OTOF: variants seen among roughly 807,000 people sequenced by gnomAD.
OTOF encodes the protein fer-1-like family member 2.
A neutral mutation model predicts 236.8 loss-of-function variants in OTOF; 218 were observed. The ratio of observed to expected loss-of-function variants is 0.92; its 90% CI spans 0.82 to 1.03. The LOEUF (loss-of-function observed/expected upper bound fraction) is 1.03. Among genes scored for constraint, OTOF ranks in the 50% least tolerant of loss-of-function variants. The pLI is 0.00. For synonymous variants in OTOF, 1,041 were observed against 1,072.5 expected, an observed-to-expected ratio of 0.97 and a Z score of 0.57; for missense variants, 2,590 against 2,694.4, an observed-to-expected ratio of 0.96 and a Z score of 0.86.
rs192745157 is a variant in OTOF, at chr2:26,510,755, T to C, written c.509+5663A>G. On this transcript the variant is annotated intron_variant, in intron 5 of 46. Coordinates refer to ENST00000272371, the MANE Select transcript of OTOF (RefSeq NM_194248.3). ...TGGTCTTCTCTCTGCCTTTGCTGAG[T>C]AGGGGGAAGAAATGAGGAGACAAGG... 79 of 1,288,488 alleles carry C rather than the reference T, an allele frequency of 6.1e-5. 1 individual carries two copies. In the African/African-American group the frequency reaches 1.1e-3, roughly 18 times the overall value. 79.8% of individuals were successfully genotyped at this position (1,288,488 alleles called of 1,614,324 possible). A position where few individuals can be genotyped will look rare whatever the true frequency, so the allele number is the denominator to read the frequency against.
intron 39 of OTOF, 113 bp from the exon 40 acceptor site, chr2:26,464,219 C>T: frequency 7.6e-7 from 1 of 1,317,528 alleles, no homozygotes; most frequent in Non-Finnish European, 1.1e-6. Context: ...CCTGTCTACC[C>T]CACCTCCTTT....
intron 1 of OTOF, among the ~76,000 whole-genome samples, chr2:26,551,165 T>TTTTTAGTA (rs1336418383): frequency 6.6e-6 from 1 of 152,074 alleles, no homozygotes; most frequent in East Asian, 1.9e-4. Context: ...AATTTTTGTG[T>TTTTTAGTA]TTTTAGTAGA....
intron 15 of OTOF, 119 bp downstream of exon 15, chr2:26,480,667 G>A (rs1665512595): frequency 1.2e-6 from 1 of 823,332 alleles, no homozygotes; most frequent in Admixed American, 1.9e-5. Flanking sequence ...GCCTTATCCT[G>A]AGGTATGACT....
rs555195764 is a variant in OTOF at position 26,531,573 on chromosome 2, G to A, written c.139-3653C>T. The stretch of plus-strand genomic sequence containing the variant: ...TCATGCCACCTCCCTCCCCTTCGCC[G>A]CCATCACTTTCCTCTTCTGCCTCGG... On this transcript the variant is annotated intron_variant, in intron 2 of 46. Coordinates refer to ENST00000272371, the MANE Select transcript of OTOF (RefSeq NM_194248.3). Among the ~76,000 whole-genome samples, 10 of 152,232 alleles carry A rather than the reference G, an allele frequency of 6.6e-5. No individual in the cohort carries two copies. The South Asian group carries it at 1.7e-3, about 25-fold the overall frequency.
Position 26,461,567 on chromosome 2 carries a change from T to A in OTOF, c.5533+129A>T. On this transcript the variant is annotated intron_variant, in intron 43 of 46. Coordinates refer to ENST00000272371, the MANE Select transcript of OTOF (RefSeq NM_194248.3). The surrounding 1 kb of genome is among the most constrained non-coding windows in gnomAD (Gnocchi z 6.2). The stretch of plus-strand genomic sequence containing the variant: ...GGGGCGGAACCCCGTCGGACACCCC[T>A]GGCTCTGATGGACTGGAAGCAATGA... 1 of 1,288,854 alleles carries A rather than the reference T, an allele frequency of 7.8e-7. No individual in the cohort carries two copies. Among genetic ancestry groups the A allele is most frequent in the South Asian group, 1.3e-5 (1 of 78,366 alleles). The allele number at this position is 1,288,854 out of a possible 1,614,324, so 79.8% of individuals were successfully genotyped here.
Position 26,470,070 on chromosome 2 carries a change from G to A in OTOF, c.4023+523C>T, listed in dbSNP as rs1664906751. Among the ~76,000 whole-genome samples, 1 of 152,210 alleles carries A rather than the reference G, an allele frequency of 6.6e-6. No homozygotes were observed. Among genetic ancestry groups the A allele is most frequent in the Admixed American group, 6.5e-5 (1 of 15,282 alleles). On this transcript the variant is annotated intron_variant, in intron 32 of 46. Transcript: ENST00000272371. This position sits in a 1 kb window ranked among gnomAD's most constrained non-coding sequence, Gnocchi z 4.3. ...ATTCACGTGCCGATGACCAAGATGTGTAAAATAAAACATTATGAAGAAGAG... is the reference window on the plus strand; with the variant it reads ...ATTCACGTGCCGATGACCAAGATGTATAAAATAAAACATTATGAAGAAGAG...
chr2:26,515,105 C>T (rs1393583531), intron 5 of OTOF, among the ~76,000 whole-genome samples: 1 of 152,236 alleles, frequency 6.6e-6, no homozygotes, highest in African/African-American at 2.4e-5. Context: ...TCTGTGATCC[C>T]TCCGGCTCTC....
At chr2:26,541,899 C>T (rs998180688) in intron 1 of OTOF, among the ~76,000 whole-genome samples, 1 of 152,186 alleles carries the variant, frequency 6.6e-6, no homozygotes, top group African/African-American at 2.4e-5. Context: ...CAGCATCCTC[C>T]TTCCTTCTGA....
In OTOF at chr2:26,460,088, G is replaced by GAGGAGCAGCAGC. The variant is rs1558464047; in HGVS notation, c.5919_5930dup (p.Leu1976_Leu1979dup). ...CAGAGTAGAGGAACAGGGCGAGGAGGAGGAGCAGCAGCAGGAGCAGCAACA... is the reference window on the plus strand; with the variant it reads ...CAGAGTAGAGGAACAGGGCGAGGAGGAGGAGCAGCAGCAGGAGCAGCAGCAGGAGCAGCAACA... On this transcript the variant is annotated inframe_insertion, in exon 46 of 47. Coordinates refer to ENST00000272371, the MANE Select transcript of OTOF (RefSeq NM_194248.3). This position sits in a 1 kb window ranked among gnomAD's most constrained non-coding sequence, Gnocchi z 5.3. 2 of 1,580,128 alleles carry GAGGAGCAGCAGC rather than the reference G, an allele frequency of 1.3e-6. No individual in the cohort carries two copies. Among genetic ancestry groups the GAGGAGCAGCAGC allele is most frequent in the South Asian group, 1.2e-5 (1 of 86,322 alleles).
At chr2:26,539,370 A>T (rs1440171948) in intron 1 of OTOF, among the ~76,000 whole-genome samples, 1 of 152,024 alleles carries the variant, frequency 6.6e-6, no homozygotes, top group Non-Finnish European at 1.5e-5. Flanking sequence ...TCCATTAATT[A>T]AAAAAAATAC....
intron 1 of OTOF, 123 bp downstream of exon 1, chr2:26,558,370 C>T: frequency 1.2e-6 from 1 of 849,252 alleles, no homozygotes; most frequent in Non-Finnish European, 2.0e-6. Flanking sequence ...GCTCGTCGCC[C>T]CAGCCCCTGC....
At chr2:26,539,308 A>G (rs1243204954) in intron 1 of OTOF, among the ~76,000 whole-genome samples, 1 of 152,196 alleles carries the variant, frequency 6.6e-6, no homozygotes, top group Non-Finnish European at 1.5e-5. Context: ...TTAATTTATT[A>G]TCCTGTGTCA....
At position 26,475,505 on chromosome 2, in the gene OTOF, G is replaced by A; in HGVS notation, c.2992-12C>T. On this transcript the variant is annotated splice_polypyrimidine_tract_variant and intron_variant, in intron 24 of 46. Transcript: ENST00000272371. Reference sequence around the variant, plus strand: ...GTCTCATTCAGCACCTGCAGCATGGGATGGGGAGACAGGGGACAAGTGACA... The same window carrying A: ...GTCTCATTCAGCACCTGCAGCATGGAATGGGGAGACAGGGGACAAGTGACA... The A allele has an allele frequency of 6.2e-7, 1 of 1,611,578 alleles. No homozygotes were observed. The highest frequency in any genetic ancestry group is 1.1e-5 in the South Asian group (1 of 91,048).
At position 26,466,086 on chromosome 2, in the gene OTOF, G is replaced by C. The variant is rs750779661; in HGVS notation, c.4501-10C>G. ...GGTGCAGGTCCGTGGCCTGGAATGGGGAGAAGGGCTGCCTGAGCAGGCTCC... is the reference window on the plus strand; with the variant it reads ...GGTGCAGGTCCGTGGCCTGGAATGGCGAGAAGGGCTGCCTGAGCAGGCTCC... On this transcript the variant is annotated splice_polypyrimidine_tract_variant and intron_variant, in intron 36 of 46. Coordinates refer to ENST00000272371, the MANE Select transcript of OTOF (RefSeq NM_194248.3). 11 of 1,614,176 alleles carry C rather than the reference G, an allele frequency of 6.8e-6. No individual in the cohort carries two copies. Among genetic ancestry groups the C allele is most frequent in the South Asian group, 3.3e-5 (3 of 91,078 alleles).
At chr2:26,554,840 A>C (rs1031025588) in intron 1 of OTOF, among the ~76,000 whole-genome samples, 4 of 152,158 alleles carry the variant, frequency 2.6e-5, no homozygotes, top group Non-Finnish European at 5.9e-5. Context: ...CCTTTGTGCC[A>C]ATTTCCAGCC....
intron 1 of OTOF, among the ~76,000 whole-genome samples, chr2:26,556,614 G>C (rs529664560): frequency 2.0e-4 from 31 of 152,214 alleles, no homozygotes; most frequent in Non-Finnish European, 3.5e-4. Flanking sequence ...CTGCTCCAAG[G>C]AGAAGATGGG....
chr2:26,479,668 G>A lies in OTOF; in HGVS notation c.1913-15C>T, dbSNP rs758398410. The A allele has an allele frequency of 3.1e-6, 5 of 1,611,640 alleles. No individual in the cohort carries two copies. The highest frequency in any genetic ancestry group is 2.7e-5 in the African/African-American group (2 of 75,044). ...CCCATAGTTGCCTGGAGCAGAATGG[G>A]CCCAGAAGGCCTAGAGTGCATTCCC... On this transcript the variant is annotated splice_polypyrimidine_tract_variant and intron_variant, in intron 16 of 46. Transcript: ENST00000272371.
rs1247490498 is a variant in OTOF, at chr2:26,470,856, A to G, written c.3895-135T>C. Reference sequence around the variant, plus strand: ...GGCTCTGTGGGGCCACCCATGTCCAAGGGGCAGGGCCTTATTTTATGGAGA... The same window carrying G: ...GGCTCTGTGGGGCCACCCATGTCCAGGGGGCAGGGCCTTATTTTATGGAGA... On this transcript the variant is annotated intron_variant, in intron 31 of 46. Transcript: ENST00000272371. This position sits in a 1 kb window ranked among gnomAD's most constrained non-coding sequence, Gnocchi z 4.3. 5 of 1,483,528 alleles carry G rather than the reference A, an allele frequency of 3.4e-6. No homozygotes were observed. In the Admixed American group the frequency reaches 9.8e-5, roughly 29 times the overall value. 91.9% of individuals were successfully genotyped at this position (1,483,528 alleles called of 1,614,324 possible).
chr2:26,549,483 A>G (rs1667408052), intron 1 of OTOF, among the ~76,000 whole-genome samples: 1 of 152,222 alleles, frequency 6.6e-6, no homozygotes, highest in Non-Finnish European at 1.5e-5. Flanking sequence ...CAGACTTGGG[A>G]TACTGCAGAG....
Sources: allele counts gnomAD v4.1 joint callset (sites outside exome capture counted in the v4.1 genomes callset), GRCh38; gene constraint gnomAD v4.1.1; non-coding constraint Gnocchi (gnomAD v3.1); transcripts MANE v1.5; gene names NCBI Gene and HGNC (gene_info 2026-07-23, HGNC 2026-07-21).